The following PCGF6 variants were observed in gnomAD, a reference collection of about 807,000 sequenced individuals.
PCGF6 encodes polycomb group ring finger 6.
In PCGF6, 24 loss-of-function variants were observed where a neutral mutation model predicts 45.5. The ratio of observed to expected loss-of-function variants is 0.53; its 90% CI spans 0.38 to 0.74. The LOEUF is 0.74. Among genes scored for constraint, PCGF6 ranks in the 30% least tolerant of loss-of-function variants. The probability of loss-of-function intolerance (pLI) is 0.00; values close to 1 mark genes in which losing one functional copy is unlikely to be tolerated. For missense variants in PCGF6, 356 were observed against 443.2 expected (o/e 0.80, Z 1.77); for synonymous variants, 152 against 162.1 (o/e 0.94, Z 0.47).
rs2093272269 is a variant in PCGF6, at chr10:103,339,807, AAAAACACACACACACAC to A, written c.782+5200_782+5216del. On this transcript the variant is annotated intron_variant, in intron 6 of 9. Transcript: ENST00000369847. ...AGCGAAATTCTGTCTGTCTCAAAAA[AAAAACACACACACACAC>A]ACACACACACACACACACACACACA... Among the ~76,000 whole-genome samples the A allele has an allele frequency of 2.7e-4, 12 of 45,170 alleles. 1 individual carries two copies. The East Asian group carries it at 3.4e-3, about 13-fold the overall frequency. 29.6% of individuals were successfully genotyped at this position (45,170 alleles called of 152,430 possible).
chr10:103,327,851 T>C (rs561166720), intron 7 of PCGF6, among the ~76,000 whole-genome samples: 1 of 151,548 alleles, frequency 6.6e-6, no homozygotes, highest in Admixed American at 6.6e-5. Flanking sequence ...ATTTTTTTTT[T>C]TTTTTTCATT....
intron 9 of PCGF6, among the ~76,000 whole-genome samples, chr10:103,309,290 G>A (rs911912427): frequency 3.9e-5 from 6 of 152,134 alleles, no homozygotes; most frequent in African/African-American, 1.4e-4. Context: ...GTTGGAGGTG[G>A]GGCCTGGTGG....
Position 103,339,801 on chromosome 10 carries a change from CAAAAAA to C in PCGF6, c.782+5217_782+5222del, listed in dbSNP as rs200037917. Among the ~76,000 whole-genome samples the C allele has an allele frequency of 1.4e-3, 38 of 26,948 alleles. 1 individual carries two copies. Among genetic ancestry groups the C allele is most frequent in the East Asian group, 3.5e-3 (2 of 574 alleles). The allele number at this position is 26,948 out of a possible 152,430, so 17.7% of individuals were successfully genotyped here. On this transcript the variant is annotated intron_variant, in intron 6 of 9. Coordinates refer to ENST00000369847, the MANE Select transcript of PCGF6 (RefSeq NM_001011663.2). The stretch of plus-strand genomic sequence containing the variant: ...AACAAAAGCGAAATTCTGTCTGTCT[CAAAAAA>C]AAAACACACACACACACACACACAC...
intron 6 of PCGF6, among the ~76,000 whole-genome samples, chr10:103,338,455 G>A (rs1210020791): frequency 6.7e-6 from 1 of 150,040 alleles, no homozygotes; most frequent in African/African-American, 2.5e-5. Flanking sequence ...TGAGGCAGGA[G>A]AATGGCATGA....
intron 5 of PCGF6, 47 bp from the exon 6 acceptor site, chr10:103,345,179 T>C: frequency 7.5e-7 from 1 of 1,332,588 alleles, no homozygotes; most frequent in Non-Finnish European, 1.1e-6. Context: ...AAAAATGCCA[T>C]AAATTGAGAT....
intron 8 of PCGF6, among the ~76,000 whole-genome samples, chr10:103,319,121 A>G (rs1165751823): frequency 6.6e-6 from 1 of 152,198 alleles, no homozygotes; most frequent in African/African-American, 2.4e-5. Context: ...GTGTGCTTTG[A>G]TAAGCCACAC....
intron 6 of PCGF6, among the ~76,000 whole-genome samples, chr10:103,334,760 T>C (rs1404482628): frequency 6.6e-6 from 1 of 152,208 alleles, no homozygotes. Context: ...ATCTAACTTT[T>C]TGTTGAGAAA....
At chr10:103,304,035 GCTTA>G in intron 9 of PCGF6, 74 bp from the exon 10 acceptor site, 1 of 1,287,070 alleles carries the variant, frequency 7.8e-7, no homozygotes, top group Non-Finnish European at 1.1e-6. Flanking sequence ...GTCAAAGCTG[GCTTA>G]CTTTTTTTTA....
intron 8 of PCGF6, among the ~76,000 whole-genome samples, chr10:103,315,620 A>G (rs549709759): frequency 6.6e-6 from 1 of 152,076 alleles, no homozygotes; most frequent in African/African-American, 2.4e-5. Flanking sequence ...CAGCCTCCCA[A>G]AATGCTGGGA....
At chr10:103,311,771 C>G (rs2093158194) in intron 9 of PCGF6, among the ~76,000 whole-genome samples, 1 of 151,934 alleles carries the variant, frequency 6.6e-6, no homozygotes, top group Non-Finnish European at 1.5e-5. Context: ...TAAGAGGGAG[C>G]AGAAACCTGG....
chr10:103,314,414 G>C (rs2093167624), intron 8 of PCGF6, 142 bp from the exon 9 acceptor site: 1 of 514,568 alleles, frequency 1.9e-6, no homozygotes, highest in Non-Finnish European at 3.4e-6. Flanking sequence ...CTTGAAAAGA[G>C]AGTTTTAGAA....
chr10:103,317,818 G>A (rs1012644443), intron 8 of PCGF6, among the ~76,000 whole-genome samples: 5 of 151,448 alleles, frequency 3.3e-5, no homozygotes, highest in Admixed American at 2.0e-4. Flanking sequence ...GGGCAATGAC[G>A]CAACCTTGGC....
chr10:103,334,441 G>A (rs2093249753), intron 6 of PCGF6, among the ~76,000 whole-genome samples: 1 of 152,016 alleles, frequency 6.6e-6, no homozygotes, highest in Non-Finnish European at 1.5e-5. Context: ...TCATCATGAT[G>A]TACAATAGAT....
intron 9 of PCGF6, among the ~76,000 whole-genome samples, chr10:103,313,756 GT>G (rs2093165358): frequency 6.6e-6 from 1 of 152,160 alleles, no homozygotes; most frequent in African/African-American, 2.4e-5. Flanking sequence ...GTACTTGCAA[GT>G]TTTTCTTGAA....
intron 8 of PCGF6, among the ~76,000 whole-genome samples, chr10:103,318,527 A>G (rs1021118087): frequency 1.5e-4 from 22 of 151,712 alleles, no homozygotes; most frequent in African/African-American, 5.3e-4. Context: ...GGCGGATCAC[A>G]AGGTCAGCAG....
At chr10:103,311,613 A>T (rs1284946123) in intron 9 of PCGF6, among the ~76,000 whole-genome samples, 1 of 150,440 alleles carries the variant, frequency 6.6e-6, no homozygotes, top group Non-Finnish European at 1.5e-5. Flanking sequence ...ACCTAGCCGC[A>T]TTTCTTGTCT....
intron 3 of PCGF6, 99 bp downstream of exon 3, chr10:103,348,617 C>G: frequency 1.1e-6 from 1 of 920,452 alleles, no homozygotes; most frequent in Admixed American, 2.8e-5. Flanking sequence ...AGCCACTGAA[C>G]CCATCCTGAG....
chr10:103,338,267 G>A (rs72846198), intron 6 of PCGF6, among the ~76,000 whole-genome samples: 40,190 of 151,146 alleles, frequency 0.27, 6,525 homozygotes, highest in South Asian at 0.51. Context: ...AAACCGGTCA[G>A]GTGCAGTGGC....
intron 9 of PCGF6, among the ~76,000 whole-genome samples, chr10:103,309,953 TC>T (rs1478750743): frequency 6.8e-6 from 1 of 147,170 alleles, no homozygotes; most frequent in East Asian, 2.0e-4. Flanking sequence ...ACCTTGTCTT[TC>T]TTTTTTTTTT....
Sources: allele counts gnomAD v4.1 joint callset (sites outside exome capture counted in the v4.1 genomes callset), GRCh38; gene constraint gnomAD v4.1.1; transcripts MANE v1.5; gene names NCBI Gene and HGNC (gene_info 2026-07-23, HGNC 2026-07-21).